TECRL: variants seen among roughly 807,000 people sequenced by gnomAD.
TECRL encodes trans-2,3-enoyl-CoA reductase like, also known as trans-2,3-enoyl-CoA reductase-like.
A neutral mutation model predicts 52.8 loss-of-function variants in TECRL; 63 were observed. The observed-to-expected ratio is 1.19, with a 90% CI of 0.97 to 1.47. The LOEUF is 1.47. Among genes scored for constraint, TECRL ranks in the 40% most tolerant of loss-of-function variants. The pLI is 0.00. For synonymous variants in TECRL, 164 were observed against 141.9 expected (o/e 1.16, Z -1.10); for missense variants, 482 against 429.6 (o/e 1.12, Z -1.08).
At chr4:64,388,276 G>T (rs1723315672) in intron 1 of TECRL, among the ~76,000 whole-genome samples, 2 of 138,414 alleles carry the variant, frequency 1.4e-5, no homozygotes, top group Admixed American at 1.5e-4. Flanking sequence ...TTGATGAAAA[G>T]ACTATATTTT....
At chr4:64,370,738 TA>T (rs1251002095) in intron 2 of TECRL, among the ~76,000 whole-genome samples, 1 of 151,736 alleles carries the variant, frequency 6.6e-6, no homozygotes, top group Non-Finnish European at 1.5e-5. Flanking sequence ...ATTTACTACT[TA>T]AAAATTGCCA....
chr4:64,297,720 A>G (rs1328000271), intron 8 of TECRL, among the ~76,000 whole-genome samples: 2 of 151,234 alleles, frequency 1.3e-5, no homozygotes, highest in South Asian at 4.2e-4. Context: ...AAATTGAAGA[A>G]TAGACTTTAA....
At position 64,307,219 on chromosome 4, in the gene TECRL, T is replaced by C. The variant is rs1280014408; in HGVS notation, c.658-1981A>G. 4.6e-5 allele frequency among the ~76,000 whole-genome samples: 7 copies of C among 152,248 alleles called. No homozygotes were observed. In the East Asian group the frequency reaches 1.4e-3, roughly 29 times the overall value. On this transcript the variant is annotated intron_variant, in intron 6 of 11. Coordinates refer to ENST00000381210, the MANE Select transcript of TECRL (RefSeq NM_001010874.5). ...TTTAAAGATTTAAGGACACCCCCCC[T>C]TCATTAATGTTTCTTGCCCCAGTTC... is the stretch of plus-strand genomic sequence containing the variant.
intron 5 of TECRL, among the ~76,000 whole-genome samples, chr4:64,314,045 G>T (rs1196241053): frequency 6.6e-6 from 1 of 150,572 alleles, no homozygotes; most frequent in Non-Finnish European, 1.5e-5. Context: ...AGCTACTCGG[G>T]AGGCTGAGGC....
intron 2 of TECRL, among the ~76,000 whole-genome samples, chr4:64,361,209 C>T (rs111277551): frequency 5.9e-5 from 9 of 152,266 alleles, no homozygotes; most frequent in African/African-American, 2.2e-4. Context: ...TGCAGACAGA[C>T]CTCTGCCAGC....
intron 2 of TECRL, among the ~76,000 whole-genome samples, chr4:64,363,388 G>GTTAATTTACTTAGCATAAAT (rs1213241812): frequency 1.3e-5 from 2 of 151,956 alleles, no homozygotes; most frequent in African/African-American, 4.8e-5. Context: ...TCAACATAAA[G>GTTAATTTACTTAGCATAAAT]TTAATTTACT....
rs1187463858 is a variant in TECRL at position 64,409,123 on chromosome 4, C to G, written c.229G>C (p.Asp77His). The G allele has an allele frequency of 1.9e-6, 3 of 1,605,488 alleles. No individual in the cohort carries two copies. The highest frequency in any genetic ancestry group is 1.3e-5 in the African/African-American group (1 of 74,602). ...AQTRKQICIL[D>H]KVTQSSTIHD... Reference sequence around the variant, plus strand: ...AAATAAATAAATAAACTCACCTTATCCAGAATACATATCTGTTTCCTTGTT... The same window carrying G: ...AAATAAATAAATAAACTCACCTTATGCAGAATACATATCTGTTTCCTTGTT... The change falls in exon 1 of 12, where the codon GAT becomes CAT. Residue 77 changes from aspartate to histidine, a missense_variant. Transcript: ENST00000381210.
intron 8 of TECRL, among the ~76,000 whole-genome samples, chr4:64,290,597 T>C (rs1021418628): frequency 1.6e-4 from 25 of 152,164 alleles, no homozygotes; most frequent in Admixed American, 1.6e-3. Context: ...TCATAAAATA[T>C]ATCGGATTTT....
intron 8 of TECRL, among the ~76,000 whole-genome samples, chr4:64,291,358 A>C (rs575504514): frequency 1.3e-5 from 2 of 152,096 alleles, no homozygotes; most frequent in East Asian, 3.9e-4. Context: ...CAAAACCCAT[A>C]ATTACTAAAC....
intron 2 of TECRL, among the ~76,000 whole-genome samples, chr4:64,339,379 C>T (rs1719377236): frequency 6.6e-6 from 1 of 151,740 alleles, no homozygotes; most frequent in Non-Finnish European, 1.5e-5. Flanking sequence ...CAACATGGCA[C>T]ATGTATACAT....
intron 2 of TECRL, among the ~76,000 whole-genome samples, chr4:64,367,565 C>T (rs1022111051): frequency 1.3e-5 from 2 of 151,814 alleles, no homozygotes; most frequent in Non-Finnish European, 1.5e-5. Flanking sequence ...TATCTAATGA[C>T]ATTAAATATA....
At chr4:64,290,510 G>T (rs1723320503) in intron 8 of TECRL, among the ~76,000 whole-genome samples, 2 of 152,050 alleles carry the variant, frequency 1.3e-5, no homozygotes, top group Admixed American at 6.6e-5. Context: ...AATTGTTATT[G>T]TTTGAAGTCA....
intron 1 of TECRL, among the ~76,000 whole-genome samples, chr4:64,383,930 G>T (rs1722992643): frequency 6.6e-6 from 1 of 151,776 alleles, no homozygotes; most frequent in Non-Finnish European, 1.5e-5. Context: ...TTGTTGGGCA[G>T]GGCACTTTGC....
At chr4:64,277,492 C>CT (rs1171750264), downstream of TECRL, among the ~76,000 whole-genome samples, 1 of 151,600 alleles carries the variant, frequency 6.6e-6, no homozygotes, top group Non-Finnish European at 1.5e-5. Context: ...TTGTTTTCTC[C>CT]TTAGAAATTT....
intron 2 of TECRL, among the ~76,000 whole-genome samples, chr4:64,357,920 GAAGAATGTGGGTA>G (rs1720885672): frequency 1.3e-5 from 2 of 151,596 alleles, no homozygotes; most frequent in Non-Finnish European, 3.0e-5. Flanking sequence ...TCCAAATGAA[GAAGAATGTGGGTA>G]AAGACCATGA....
chr4:64,365,267 G>T (rs969995876), intron 2 of TECRL, among the ~76,000 whole-genome samples: 1 of 150,982 alleles, frequency 6.6e-6, no homozygotes, highest in East Asian at 1.9e-4. Flanking sequence ...AACCATGTTT[G>T]CCAACATTGT....
At chr4:64,298,310 G>A (rs916050287) in intron 8 of TECRL, among the ~76,000 whole-genome samples, 33 of 150,962 alleles carry the variant, frequency 2.2e-4, no homozygotes, top group African/African-American at 6.5e-4. Flanking sequence ...AGCATCTTTG[G>A]GTTTATTAAT....
chr4:64,284,114 T>C (rs1722966456), intron 9 of TECRL, among the ~76,000 whole-genome samples: 2 of 151,984 alleles, frequency 1.3e-5, no homozygotes, highest in South Asian at 4.1e-4. Context: ...GGGTAAAGTA[T>C]AAAATTGAAT....
chr4:64,348,566 C>T (rs960063966), intron 2 of TECRL, among the ~76,000 whole-genome samples: 3 of 152,056 alleles, frequency 2.0e-5, no homozygotes, highest in South Asian at 2.1e-4. Context: ...ATTCTTTTTT[C>T]CGGTGCTGTC....
Sources: gnomAD v4.1 joint callset for allele counts (sites outside exome capture counted in the v4.1 genomes callset) on GRCh38, gnomAD v4.1.1 for gene constraint, MANE v1.5 for transcripts, NCBI Gene and HGNC (gene_info 2026-07-23, HGNC 2026-07-21) for gene names.